The following DCAF8L2 variants were observed in gnomAD, a reference collection of about 807,000 sequenced individuals.
DCAF8L2 encodes DDB1- and CUL4-associated factor 8-like protein 2.
For missense variants in DCAF8L2, 430 were observed against 490.7 expected (o/e 0.88, Z 1.17); for synonymous variants, 200 against 190.9 (o/e 1.05, Z -0.39).
the DCAF8L2 span, among the ~76,000 whole-genome samples, chrX:27,476,387 G>A: frequency 9.0e-6 from 1 of 111,342 alleles, no homozygotes; most frequent in Non-Finnish European, 1.9e-5. Flanking sequence ...TTTAATTAAC[G>A]GAACTTCCTG....
At chrX:27,502,334 AAATATATATATATATATATATATAT>A in the DCAF8L2 span, among the ~76,000 whole-genome samples, 1 of 24,970 alleles carries the variant, frequency 4.0e-5, no homozygotes, top group African/African-American at 1.8e-4. Context: ...AAAAAAAAAA[AAATATATATATATATATATATATAT>A]ATATATATAT....
chrX:27,493,264 C>T, the DCAF8L2 span, among the ~76,000 whole-genome samples: 7 of 111,112 alleles, frequency 6.3e-5, no homozygotes, highest in East Asian at 8.5e-4. Context: ...TAAATTAAAA[C>T]GAGATTGATG....
the DCAF8L2 span, among the ~76,000 whole-genome samples, chrX:27,493,962 A>G: frequency 9.0e-6 from 1 of 110,984 alleles, no homozygotes; most frequent in Non-Finnish European, 1.9e-5. Flanking sequence ...GTAGAATCCT[A>G]TTTCTTTTTA....
At chrX:27,498,658 G>A in the DCAF8L2 span, among the ~76,000 whole-genome samples, 1 of 111,876 alleles carries the variant, frequency 8.9e-6, no homozygotes, top group African/African-American at 3.2e-5. Flanking sequence ...TAGGTCTCCA[G>A]AACTTGTTCA....
At chrX:27,699,990 G>A (rs752634511) in intron 3 of DCAF8L2, among the ~76,000 whole-genome samples, 29 of 111,308 alleles carry the variant, frequency 2.6e-4, no homozygotes, top group African/African-American at 7.5e-4. Context: ...AGCTATGATT[G>A]CATCACTGCA....
the DCAF8L2 span, among the ~76,000 whole-genome samples, chrX:27,533,140 A>AGAGAGAGAGAGAGAGAGAGAGAG: frequency 7.4e-5 from 2 of 26,885 alleles, no homozygotes; most frequent in African/African-American, 1.7e-4. Flanking sequence ...GGAAGGAAGG[A>AGAGAGAGAGAGAGAGAGAGAGAG]AGAAAGAGAG....
At chrX:27,487,218 G>A in the DCAF8L2 span, among the ~76,000 whole-genome samples, 1 of 111,591 alleles carries the variant, frequency 9.0e-6, no homozygotes, top group African/African-American at 3.3e-5. Context: ...TCTTCTTCTT[G>A]CTATTGACAA....
intron 4 of DCAF8L2, among the ~76,000 whole-genome samples, chrX:27,724,883 T>C (rs191003807): frequency 9.0e-6 from 1 of 110,971 alleles, no homozygotes; most frequent in East Asian, 2.8e-4. Flanking sequence ...AAGTCATATT[T>C]TAGCCAAGAA....
chrX:27,619,178 T>C (rs964318703), intron 1 of DCAF8L2, among the ~76,000 whole-genome samples: 2 of 111,505 alleles, frequency 1.8e-5, no homozygotes, highest in Non-Finnish European at 3.8e-5. Context: ...GTCAAGAAAG[T>C]ATGACAATGT....
At chrX:27,667,096 G>A (rs1015926076) in intron 2 of DCAF8L2, among the ~76,000 whole-genome samples, 6 of 104,503 alleles carry the variant, frequency 5.7e-5, no homozygotes, top group Non-Finnish European at 1.2e-4. Context: ...CAATTAAAAA[G>A]TTCATGATGT....
rs188268864 is a variant in DCAF8L2 at position 27,618,272 on chromosome X, G to A, written c.-341-13607G>A. ...TTTTAAGAGAATGCACAAGAAAGCA[G>A]GCAGTTAGAAATAATTAGACAACAT... On this transcript the variant is annotated intron_variant, in intron 1 of 4. Transcript: ENST00000451261. 1.3e-4 allele frequency among the ~76,000 whole-genome samples: 14 copies of A among 111,482 alleles called. No individual in the cohort carries two copies. The East Asian group carries it at 3.9e-3, about 31-fold the overall frequency.
chrX:27,533,226 GAA>G, the DCAF8L2 span, among the ~76,000 whole-genome samples: 111 of 42,405 alleles, frequency 2.6e-3, no homozygotes, highest in African/African-American at 6.2e-3. Context: ...AAGAAAGAAA[GAA>G]AGAAAGAGAA....
the DCAF8L2 span, among the ~76,000 whole-genome samples, chrX:27,485,324 C>G: frequency 9.0e-6 from 1 of 111,540 alleles, no homozygotes; most frequent in Admixed American, 9.6e-5. Flanking sequence ...CATTATGGCC[C>G]TTGGGTACTG....
At chrX:27,497,569 T>C in the DCAF8L2 span, among the ~76,000 whole-genome samples, 21 of 82,953 alleles carry the variant, frequency 2.5e-4, no homozygotes, top group Middle Eastern at 6.0e-3. Flanking sequence ...TCTTTCTTTC[T>C]TTCTTTCTTT....
chrX:27,707,572 A>C (rs1444453387), intron 3 of DCAF8L2, among the ~76,000 whole-genome samples: 1 of 112,048 alleles, frequency 8.9e-6, no homozygotes, highest in Non-Finnish European at 1.9e-5. Context: ...GCTAAATTAT[A>C]GTTCTGTAAA....
the DCAF8L2 span, among the ~76,000 whole-genome samples, chrX:27,489,288 G>T: frequency 9.0e-6 from 1 of 110,878 alleles, no homozygotes; most frequent in Non-Finnish European, 1.9e-5. Context: ...TAATAGAGAC[G>T]GGGTTTCACC....
intron 2 of DCAF8L2, among the ~76,000 whole-genome samples, chrX:27,640,082 C>A (rs1216804429): frequency 6.3e-5 from 7 of 111,292 alleles, no homozygotes; most frequent in Non-Finnish European, 7.5e-5. Flanking sequence ...GCTATCCCTC[C>A]CCCCTCCTCC....
At chrX:27,540,276 A>G in the DCAF8L2 span, among the ~76,000 whole-genome samples, 1 of 111,733 alleles carries the variant, frequency 8.9e-6, no homozygotes, top group Non-Finnish European at 1.9e-5. Context: ...AAATTTAACA[A>G]CATTTACAGC....
chrX:27,675,599 A>G (rs1930112305), intron 2 of DCAF8L2, among the ~76,000 whole-genome samples: 1 of 111,961 alleles, frequency 8.9e-6, no homozygotes. Context: ...CATTATGTTA[A>G]GCACTTTAAA....
Sources: allele counts gnomAD v4.1 joint callset (sites outside exome capture counted in the v4.1 genomes callset), GRCh38; gene constraint gnomAD v4.1.1; transcripts MANE v1.5; gene names NCBI Gene and HGNC (gene_info 2026-07-23, HGNC 2026-07-21).